ERBB4: variants seen among roughly 807,000 people sequenced by gnomAD.
The protein encoded by ERBB4 is erb-b2 receptor tyrosine kinase 4.
Under a neutral mutation model 158.0 loss-of-function variants are expected in ERBB4, and 42 were observed. The ratio of observed to expected loss-of-function variants is 0.27; its 90% confidence interval spans 0.21 to 0.34. The LOEUF (loss-of-function observed/expected upper bound fraction) is 0.34. Ranked by LOEUF, ERBB4 falls within the 10% of genes least tolerant of loss-of-function variation. The pLI is 1.00. For missense variants in ERBB4, 1,333 were observed against 1,624.1 expected, an observed-to-expected ratio of 0.82 and a Z score of 3.08; for synonymous variants, 583 against 558.7, an observed-to-expected ratio of 1.04 and a Z score of -0.61.
chr2:212,192,975 G>T (rs1272609516), intron 1 of ERBB4, among the ~76,000 whole-genome samples: 1 of 152,122 alleles, frequency 6.6e-6, no homozygotes, highest in African/African-American at 2.4e-5. Flanking sequence ...TTTTACGAAA[G>T]CTCCCTTTTG....
chr2:212,295,826 G>A (rs554706724), intron 1 of ERBB4, among the ~76,000 whole-genome samples: 10 of 152,098 alleles, frequency 6.6e-5, no homozygotes, highest in African/African-American at 2.4e-4. Context: ...TGATTTAAAT[G>A]TTGTATGCAT....
At chr2:211,787,763 G>A (rs2076197748) in intron 4 of ERBB4, among the ~76,000 whole-genome samples, 2 of 152,068 alleles carry the variant, frequency 1.3e-5, no homozygotes, top group South Asian at 4.1e-4. Flanking sequence ...TTTGTACATT[G>A]GAAGTATGAT....
intron 20 of ERBB4, among the ~76,000 whole-genome samples, chr2:211,503,879 C>A (rs1196353657): frequency 6.6e-6 from 1 of 152,092 alleles, no homozygotes; most frequent in African/African-American, 2.4e-5. Flanking sequence ...TTGCACATGC[C>A]TTAGAGAGCC....
intron 20 of ERBB4, among the ~76,000 whole-genome samples, chr2:211,527,365 A>G (rs1259084275): frequency 6.6e-6 from 1 of 152,112 alleles, no homozygotes; most frequent in African/African-American, 2.4e-5. Flanking sequence ...TCCTTAAAGC[A>G]TGAAGGAGAA....
At chr2:212,290,824 C>T (rs2086180129) in intron 1 of ERBB4, among the ~76,000 whole-genome samples, 1 of 151,802 alleles carries the variant, frequency 6.6e-6, no homozygotes. Context: ...GGCATTATGC[C>T]AGCCAGTGTA....
intron 4 of ERBB4, among the ~76,000 whole-genome samples, chr2:211,760,508 A>G (rs2075383109): frequency 6.6e-6 from 1 of 152,234 alleles, no homozygotes; most frequent in African/African-American, 2.4e-5. Context: ...ATGATATTTA[A>G]TAGGATCAAT....
At chr2:211,984,216 G>C (rs1239541835) in intron 2 of ERBB4, among the ~76,000 whole-genome samples, 1 of 151,968 alleles carries the variant, frequency 6.6e-6, no homozygotes, top group Non-Finnish European at 1.5e-5. Flanking sequence ...GTCTTTTATA[G>C]GAGCACTTAT....
At chr2:211,516,567 T>G (rs1333381973) in intron 20 of ERBB4, among the ~76,000 whole-genome samples, 1 of 151,954 alleles carries the variant, frequency 6.6e-6, no homozygotes, top group African/African-American at 2.4e-5. Flanking sequence ...ACTCCTGGCC[T>G]CAAGTGATCT....
rs558166529 is a variant in ERBB4, at chr2:212,110,612, A to AT, written c.234+14139_234+14140insA. Among the ~76,000 whole-genome samples the AT allele has an allele frequency of 8.9e-4, 135 of 152,366 alleles. 1 individual carries two copies. The highest frequency in any genetic ancestry group is 3.0e-3 in the African/African-American group (123 of 41,582). ...AAGTCCTTTAACTGATAATAGGAAA[A>AT]ATTCAAATGGGACTTTGCTAGAGCA... On this transcript the variant is annotated intron_variant, in intron 2 of 27. Transcript: ENST00000342788.
intron 1 of ERBB4, among the ~76,000 whole-genome samples, chr2:212,173,140 A>G (rs1290194019): frequency 2.6e-5 from 4 of 152,112 alleles, no homozygotes; most frequent in African/African-American, 7.2e-5. Context: ...CTCTTATTAT[A>G]CCAGACATGG....
intron 1 of ERBB4, among the ~76,000 whole-genome samples, chr2:212,338,613 T>C (rs2088560700): frequency 6.6e-6 from 1 of 152,110 alleles, no homozygotes; most frequent in Admixed American, 6.6e-5. Context: ...AAATATACAA[T>C]ATTTTTCTAG....
intron 1 of ERBB4, among the ~76,000 whole-genome samples, chr2:212,198,729 C>A (rs114630779): frequency 7.3e-6 from 1 of 137,332 alleles, no homozygotes; most frequent in Non-Finnish European, 1.5e-5. Flanking sequence ...TGTATCACCA[C>A]GCCCTTTTTT....
intron 2 of ERBB4, among the ~76,000 whole-genome samples, chr2:212,087,388 T>G (rs1001427443): frequency 2.0e-5 from 3 of 152,152 alleles, no homozygotes; most frequent in Admixed American, 6.6e-5. Flanking sequence ...CAATTTATAG[T>G]AACAGTACTA....
intron 13 of ERBB4, among the ~76,000 whole-genome samples, chr2:211,677,664 G>A (rs902541640): frequency 6.6e-6 from 1 of 151,462 alleles, no homozygotes; most frequent in African/African-American, 2.4e-5. Context: ...CACGAGGTCA[G>A]GAGATCGAGA....
intron 13 of ERBB4, among the ~76,000 whole-genome samples, chr2:211,673,861 C>G (rs1413796963): frequency 1.3e-5 from 2 of 151,586 alleles, no homozygotes; most frequent in Admixed American, 1.3e-4. Flanking sequence ...GATCTAATAT[C>G]ACAACATCTT....
At chr2:212,421,502 A>T (rs1203571301) in intron 1 of ERBB4, among the ~76,000 whole-genome samples, 1 of 152,282 alleles carries the variant, frequency 6.6e-6, no homozygotes, top group East Asian at 1.9e-4. Context: ...GTAGTACAAA[A>T]TGTTCAACAT....
chr2:212,190,392 C>T (rs965876000), intron 1 of ERBB4, among the ~76,000 whole-genome samples: 4 of 152,068 alleles, frequency 2.6e-5, no homozygotes, highest in Non-Finnish European at 5.9e-5. Context: ...AAAAAATTAG[C>T]CGGGCGTGGT....
At chr2:211,913,635 G>A (rs1235357989) in intron 3 of ERBB4, among the ~76,000 whole-genome samples, 9 of 136,554 alleles carry the variant, frequency 6.6e-5, no homozygotes, top group African/African-American at 1.5e-4. Flanking sequence ...GTGTGTGTGT[G>A]TGTGTGTGTG....
intron 2 of ERBB4, among the ~76,000 whole-genome samples, chr2:212,047,748 T>A (rs2077293792): frequency 6.6e-6 from 1 of 151,704 alleles, no homozygotes; most frequent in Non-Finnish European, 1.5e-5. Context: ...CCTCCCAAAG[T>A]GCTAGGATTA....
Sources: gnomAD v4.1 joint callset for allele counts (sites outside exome capture counted in the v4.1 genomes callset) on GRCh38, gnomAD v4.1.1 for gene constraint, MANE v1.5 for transcripts, NCBI Gene and HGNC (gene_info 2026-07-23, HGNC 2026-07-21) for gene names.